Variants in PIK3CD observed in about 807,000 individuals in gnomAD.
PIK3CD encodes phosphatidylinositol 4,5-bisphosphate 3-kinase catalytic subunit delta isoform.
Under a neutral mutation model 122.9 loss-of-function variants are expected in PIK3CD, and 20 were observed. The ratio of observed to expected loss-of-function variants is 0.16; its 90% CI spans 0.11 to 0.24. PIK3CD has a LOEUF of 0.24. Among genes scored for constraint, PIK3CD ranks in the 10% least tolerant of loss-of-function variants. The probability of loss-of-function intolerance (pLI) is 1.00; values close to 1 mark genes in which losing one functional copy is unlikely to be tolerated. For missense variants in PIK3CD, 787 were observed against 1,406.3 expected (o/e 0.56, Z 7.04); for synonymous variants, 596 against 593.4 (o/e 1.00, Z -0.06).
intron 1 of PIK3CD, among the ~76,000 whole-genome samples, chr1:9,675,651 A>C (rs1188352405): frequency 6.6e-6 from 1 of 152,072 alleles, no homozygotes; most frequent in Non-Finnish European, 1.5e-5. Context: ...TCAGGCGGCT[A>C]TGCAGGAGGG....
At chr1:9,646,668 CTG>C in the PIK3CD span, among the ~76,000 whole-genome samples, 1 of 152,156 alleles carries the variant, frequency 6.6e-6, no homozygotes, top group Non-Finnish European at 1.5e-5. Flanking sequence ...AAAGTCAAGA[CTG>C]AGCCAGGTGT....
chr1:9,692,616 G>A (rs1461286716), intron 2 of PIK3CD, among the ~76,000 whole-genome samples: 1 of 152,132 alleles, frequency 6.6e-6, no homozygotes, highest in East Asian at 1.9e-4. Context: ...TGTAATCCCA[G>A]CTACTCGAGA....
Position 9,723,321 on chromosome 1 carries a change from C to G in PIK3CD, c.2594+29C>G. 1 of 1,612,494 alleles carries G rather than the reference C, an allele frequency of 6.2e-7. No individual in the cohort carries two copies. The highest frequency in any genetic ancestry group is 8.5e-7 in the Non-Finnish European group (1 of 1,178,878). ...GGTTTCAGGCCCAGGGATAGGTTCC[C>G]TCTCCTTTCCAAGAGGTGTGGAGTG... On this transcript the variant is annotated intron_variant, in intron 20 of 23. Coordinates refer to ENST00000377346, the MANE Select transcript of PIK3CD (RefSeq NM_005026.5). This position sits in a 1 kb window ranked among gnomAD's most constrained non-coding sequence, Gnocchi z 4.9.
upstream of PIK3CD, among the ~76,000 whole-genome samples, chr1:9,650,225 C>G (rs1644646512): frequency 6.6e-6 from 1 of 152,086 alleles, no homozygotes; most frequent in East Asian, 1.9e-4. Flanking sequence ...AGTTCAAGAC[C>G]AGCCTGGTGA....
At chr1:9,651,221 T>C (rs1557584372), upstream of PIK3CD, among the ~76,000 whole-genome samples, 1 of 152,214 alleles carries the variant, frequency 6.6e-6, no homozygotes, top group Non-Finnish European at 1.5e-5. Context: ...CTGCAGTTTC[T>C]AAGAATAATC....
intron 1 of PIK3CD, chr1:9,653,785 C>T (rs1321510050): frequency 7.3e-7 from 1 of 1,365,830 alleles, no homozygotes; most frequent in Middle Eastern, 2.2e-4. Flanking sequence ...AGTTTCATTT[C>T]TTGATATTAG....
intron 1 of PIK3CD, among the ~76,000 whole-genome samples, chr1:9,669,496 A>G (rs1645259253): frequency 6.6e-6 from 1 of 152,208 alleles, no homozygotes; most frequent in African/African-American, 2.4e-5. Flanking sequence ...CAGGAATTGT[A>G]GGTAAAATCA....
intron 3 of PIK3CD, among the ~76,000 whole-genome samples, chr1:9,712,427 C>T (rs1314453805): frequency 3.3e-5 from 5 of 152,034 alleles, no homozygotes; most frequent in East Asian, 1.9e-4. Flanking sequence ...ACTACAGGCA[C>T]GTGCCACCAC....
upstream of PIK3CD, among the ~76,000 whole-genome samples, chr1:9,647,489 T>TTATTA (rs1644619838): frequency 6.9e-6 from 1 of 145,732 alleles, no homozygotes; most frequent in African/African-American, 2.5e-5. Flanking sequence ...CTAATTATTA[T>TTATTA]TATTATTATT....
chr1:9,717,424 C>T lies in PIK3CD; in HGVS notation c.931-113C>T, dbSNP rs1034007402. 6 of 1,090,184 alleles carry T rather than the reference C, an allele frequency of 5.5e-6. No individual in the cohort carries two copies. Among genetic ancestry groups the T allele is most frequent in the Non-Finnish European group, 8.4e-6 (6 of 713,452 alleles). 67.5% of individuals were successfully genotyped at this position (1,090,184 alleles called of 1,614,324 possible). On this transcript the variant is annotated intron_variant, in intron 7 of 23. Coordinates refer to ENST00000377346, the MANE Select transcript of PIK3CD (RefSeq NM_005026.5). This position sits in a 1 kb window ranked among gnomAD's most constrained non-coding sequence, Gnocchi z 5.4. ...CATTGTGGACAGGCCCAAACCTGGC[C>T]GCAAACCTGTGACCCTCTCACCCGC...
chr1:9,675,083 C>G (rs902053606), intron 1 of PIK3CD, among the ~76,000 whole-genome samples: 2 of 150,290 alleles, frequency 1.3e-5, no homozygotes, highest in African/African-American at 4.9e-5. Context: ...AGCTAATTAG[C>G]CTTATGACAA....
At chr1:9,657,968 G>C (rs1416765629) in intron 1 of PIK3CD, among the ~76,000 whole-genome samples, 1 of 151,496 alleles carries the variant, frequency 6.6e-6, no homozygotes, top group South Asian at 2.1e-4. Flanking sequence ...GAAGGGCTGG[G>C]CCCCCCCCTT....
In PIK3CD at chr1:9,665,449, C is replaced by T. The variant is rs558486172; in HGVS notation, c.-138+13647C>T. 2.7e-5 allele frequency among the ~76,000 whole-genome samples: 4 copies of T among 150,638 alleles called. No individual in the cohort carries two copies. In the East Asian group the frequency reaches 5.9e-4, roughly 22 times the overall value. On this transcript the variant is annotated intron_variant, in intron 1 of 23. Transcript: ENST00000377346. ...TTTGTATTTTGGTAGAGATGGGGAGCGCTCACAAGCTCTTGCCGTAGCTCT... is the reference window on the plus strand; with the variant it reads ...TTTGTATTTTGGTAGAGATGGGGAGTGCTCACAAGCTCTTGCCGTAGCTCT...
At chr1:9,676,026 G>C (rs1042742078) in intron 1 of PIK3CD, among the ~76,000 whole-genome samples, 1 of 151,662 alleles carries the variant, frequency 6.6e-6, no homozygotes. Flanking sequence ...CTACCTCCCG[G>C]GTTCAAGCGA....
chr1:9,687,824 GACTT>G (rs1646029477), intron 1 of PIK3CD, among the ~76,000 whole-genome samples: 1 of 152,202 alleles, frequency 6.6e-6, no homozygotes, highest in Non-Finnish European at 1.5e-5. Flanking sequence ...GTCTGTGTGT[GACTT>G]CTAGGGACGG....
intron 2 of PIK3CD, among the ~76,000 whole-genome samples, chr1:9,703,508 G>T (rs1440670561): frequency 2.0e-5 from 3 of 152,062 alleles, no homozygotes; most frequent in African/African-American, 7.2e-5. Context: ...CGCCCTTCTA[G>T]TCACTCCCCC....
the PIK3CD span, among the ~76,000 whole-genome samples, chr1:9,635,766 T>A: frequency 3.3e-5 from 5 of 152,378 alleles, no homozygotes; most frequent in South Asian, 1.0e-3. Flanking sequence ...TGGTTGAGGC[T>A]CTGCTGTCCA....
In PIK3CD at chr1:9,724,028, C is replaced by T; in HGVS notation, c.2654C>T (p.Ala885Val). Residue 885 changes from alanine to valine, a missense_variant, in exon 21 of 24, where the codon GCC (alanine) becomes GTC (valine). Physicochemically the swap from Ala to Val is moderately conservative, Grantham distance 64 (BLOSUM62 0). Coordinates refer to ENST00000377346, the MANE Select transcript of PIK3CD (RefSeq NM_005026.5). The surrounding 1 kb of genome is among the most constrained non-coding windows in gnomAD (Gnocchi z 7.3). ...FTLSCAGYCV[A>V]TYVLGIGDRH... is the part of the protein sequence containing the mutation. ...CTCTCCTGTGCTGGCTATTGTGTGG[C>T]CACATATGTGCTGGGCATTGGCGAT... 1 of 1,614,186 alleles carries T rather than the reference C, an allele frequency of 6.2e-7. No individual in the cohort carries two copies.
chr1:9,642,207 G>T, the PIK3CD span, among the ~76,000 whole-genome samples: 1 of 151,826 alleles, frequency 6.6e-6, no homozygotes, highest in African/African-American at 2.4e-5. Context: ...CCACATCCCG[G>T]GTTCAAGCAA....
Sources: gnomAD v4.1 joint callset for allele counts (sites outside exome capture counted in the v4.1 genomes callset) on GRCh38, gnomAD v4.1.1 for gene constraint, Gnocchi (gnomAD v3.1) non-coding constraint, MANE v1.5 for transcripts, NCBI Gene and HGNC (gene_info 2026-07-23, HGNC 2026-07-21) for gene names.